Variants in DAAM2 observed in about 807,000 individuals in gnomAD.
The protein encoded by DAAM2 is dishevelled associated activator of morphogenesis 2.
Under a neutral mutation model 120.7 loss-of-function variants are expected in DAAM2, and 39 were observed. The observed-to-expected ratio is 0.32, with a 90% confidence interval of 0.25 to 0.42. DAAM2 has a LOEUF of 0.42. Among genes scored for constraint, DAAM2 ranks in the 10% least tolerant of loss-of-function variants. The pLI, the probability that DAAM2 is intolerant of heterozygous loss-of-function variation, is 1.00. For synonymous variants in DAAM2, 488 were observed against 524.9 expected, an observed-to-expected ratio of 0.93 and a Z score of 0.96; for missense variants, 1,283 against 1,401.7, an observed-to-expected ratio of 0.92 and a Z score of 1.35.
chr6:39,891,781 G>T, intron 19 of DAAM2, 59 bp downstream of exon 19: 1 of 1,419,070 alleles, frequency 7.0e-7, no homozygotes, highest in South Asian at 1.2e-5. Flanking sequence ...AGGCAGGGTG[G>T]GTGGGAGCCA....
In DAAM2 at chr6:39,901,262, C is replaced by G. The variant is rs752314144; in HGVS notation, c.2812-40C>G. The G allele has an allele frequency of 6.3e-7, 1 of 1,578,928 alleles. No individual in the cohort carries two copies. The highest frequency in any genetic ancestry group is 8.7e-7 in the Non-Finnish European group (1 of 1,154,918). On this transcript the variant is annotated intron_variant, in intron 23 of 24. Coordinates refer to ENST00000274867, the MANE Select transcript of DAAM2 (RefSeq NM_001201427.2). This position sits in a 1 kb window ranked among gnomAD's most constrained non-coding sequence, Gnocchi z 4.5. ...CCTCAGGGGCTGAGCCCAGCATGCT[C>G]CAGGGCACTCTCCACCAATCCTGTT...
At chr6:39,818,457 C>T (rs557893248) in intron 1 of DAAM2, among the ~76,000 whole-genome samples, 1 of 152,248 alleles carries the variant, frequency 6.6e-6, no homozygotes, top group South Asian at 2.1e-4. Flanking sequence ...AAGTATTAAT[C>T]TGTGGTATTT....
chr6:39,901,832 G>T lies in DAAM2; in HGVS notation c.3002G>T (p.Arg1001Leu). 6.4e-7 allele frequency: 1 copy of T among 1,557,394 alleles called. No individual in the cohort carries two copies. The highest frequency in any genetic ancestry group is 2.3e-5 in the East Asian group (1 of 44,022). ...CCGCAGCTGAAGGAGCAGAGGGAAC[G>T]TGAGCGGTGGCAGCGGCAGCGGAAG... is the stretch of plus-strand genomic sequence containing the variant. The part of the protein sequence containing the change: ...MEAMLKEQRE[R>L]ERWQRQRKVL... Residue 1001 changes from arginine to leucine, a missense_variant, in exon 25 of 25, where the codon CGT (arginine) becomes CTT (leucine). Transcript: ENST00000274867. The surrounding 1 kb of genome is among the most constrained non-coding windows in gnomAD (Gnocchi z 4.5).
In DAAM2 at chr6:39,901,279, A is replaced by C; in HGVS notation, c.2812-23A>C. Reference sequence around the variant, plus strand: ...AGCATGCTCCAGGGCACTCTCCACCAATCCTGTTCTGTCCCTTGACAGTTC... The same window carrying C: ...AGCATGCTCCAGGGCACTCTCCACCCATCCTGTTCTGTCCCTTGACAGTTC... On this transcript the variant is annotated intron_variant, in intron 23 of 24. Transcript: ENST00000274867. The surrounding 1 kb of genome is among the most constrained non-coding windows in gnomAD (Gnocchi z 4.5). The C allele has an allele frequency of 1.2e-6, 2 of 1,605,590 alleles. No individual in the cohort carries two copies. The highest frequency in any genetic ancestry group is 1.7e-6 in the Non-Finnish European group (2 of 1,174,804).
chr6:39,815,390 A>G (rs1417418783), intron 1 of DAAM2, among the ~76,000 whole-genome samples: 2 of 152,132 alleles, frequency 1.3e-5, no homozygotes, highest in Admixed American at 1.3e-4. Flanking sequence ...TCTAAGGCTC[A>G]CTCATTGTAT....
intron 1 of DAAM2, among the ~76,000 whole-genome samples, chr6:39,841,981 A>G (rs146739677): frequency 8.5e-4 from 130 of 152,374 alleles, no homozygotes; most frequent in Non-Finnish European, 1.7e-3. Context: ...CAAACAAATG[A>G]AAACATCCTG....
At chr6:39,877,902 A>G (rs537139009) in intron 11 of DAAM2, among the ~76,000 whole-genome samples, 22 of 152,344 alleles carry the variant, frequency 1.4e-4, no homozygotes, top group Non-Finnish European at 2.8e-4. Context: ...TAGTTCTACC[A>G]TTAATTAGCT....
rs531295826 is a variant in DAAM2 at position 39,869,753 on chromosome 6, C to CTT, written c.874-561_874-560dup. Among the ~76,000 whole-genome samples, 277 of 102,002 alleles carry CTT rather than the reference C, an allele frequency of 2.7e-3. 2 individuals carry two copies. The highest frequency in any genetic ancestry group is 4.9e-3 in the Middle Eastern group (1 of 206). The allele number at this position is 102,002 out of a possible 152,430, so 66.9% of individuals were successfully genotyped here. On this transcript the variant is annotated intron_variant, in intron 7 of 24. Coordinates refer to ENST00000274867, the MANE Select transcript of DAAM2 (RefSeq NM_001201427.2). ...CTTTCCCCTCTTTTCCGCCAGCATACTTTTTTTTTTTTTTTTTTTTTTTTT... is the reference window on the plus strand; with the variant it reads ...CTTTCCCCTCTTTTCCGCCAGCATACTTTTTTTTTTTTTTTTTTTTTTTTTTT...
At chr6:39,846,843 A>G (rs1201827663) in intron 1 of DAAM2, among the ~76,000 whole-genome samples, 1 of 152,170 alleles carries the variant, frequency 6.6e-6, no homozygotes, top group Non-Finnish European at 1.5e-5. Context: ...TAGGGGCCCA[A>G]CAAATATTTG....
Position 39,901,967 on chromosome 6 carries a change from G to C in DAAM2, c.3137G>C (p.Ser1046Thr). Residue 1046 changes from serine (S) to threonine (T), a missense_variant, in exon 25 of 25, where the codon AGC becomes ACC. This residue lies in a region of DAAM2 where 748 missense variants were observed against 768.6 expected (regional missense o/e 0.97). Coordinates refer to ENST00000274867, the MANE Select transcript of DAAM2 (RefSeq NM_001201427.2). This position sits in a 1 kb window ranked among gnomAD's most constrained non-coding sequence, Gnocchi z 4.5. ...FDKDLCKLKR[S>T]RKRSGSQALE... The stretch of plus-strand genomic sequence containing the variant: ...AAGGACTTATGCAAGCTCAAGCGCA[G>C]CCGCAAGCGATCAGGGAGCCAGGCC... 6.2e-7 allele frequency: 1 copy of C among 1,612,424 alleles called. No individual in the cohort carries two copies.
At position 39,878,641 on chromosome 6, in the gene DAAM2, G is replaced by C; in HGVS notation, c.1545+53G>C. The C allele has an allele frequency of 2.6e-6, 4 of 1,530,478 alleles. No homozygotes were observed. The highest frequency in any genetic ancestry group is 3.5e-6 in the Non-Finnish European group (4 of 1,133,406). 94.8% of individuals were successfully genotyped at this position (1,530,478 alleles called of 1,614,324 possible). On this transcript the variant is annotated intron_variant, in intron 13 of 24. Coordinates refer to ENST00000274867, the MANE Select transcript of DAAM2 (RefSeq NM_001201427.2). The surrounding 1 kb of genome is among the most constrained non-coding windows in gnomAD (Gnocchi z 5.0). ...GTTGAGCCAAGACCCTGGGCTTCAG[G>C]ACTGGGTGGGCAGAGCAGGTGTCGG...
intron 1 of DAAM2, among the ~76,000 whole-genome samples, chr6:39,803,515 G>A (rs887845662): frequency 2.0e-5 from 3 of 152,156 alleles, no homozygotes; most frequent in Non-Finnish European, 4.4e-5. Context: ...CCCATGAGAT[G>A]GGGAGTGGGA....
intron 1 of DAAM2, among the ~76,000 whole-genome samples, chr6:39,847,363 C>T (rs1349104915): frequency 6.6e-6 from 1 of 152,092 alleles, no homozygotes; most frequent in Non-Finnish European, 1.5e-5. Context: ...GCTGGAGGCT[C>T]CTTTCCCTGC....
At chr6:39,865,238 C>T (rs1321383330) in intron 5 of DAAM2, among the ~76,000 whole-genome samples, 164 bp downstream of exon 5, 1 of 152,194 alleles carries the variant, frequency 6.6e-6, no homozygotes, top group Non-Finnish European at 1.5e-5. Flanking sequence ...TGGGAGGCTG[C>T]CAGGGCTTGG....
At chr6:39,865,147 G>T in intron 5 of DAAM2, 73 bp downstream of exon 5, 1 of 891,072 alleles carries the variant, frequency 1.1e-6, no homozygotes, top group Non-Finnish European at 1.8e-6. Flanking sequence ...CCGAAGCCCT[G>T]TGCAGTGCTC....
chr6:39,850,814 C>A (rs1300699605), intron 1 of DAAM2, among the ~76,000 whole-genome samples: 2 of 152,092 alleles, frequency 1.3e-5, no homozygotes. Context: ...GTCCTGTTAC[C>A]CCTGTGTCTG....
intron 5 of DAAM2, among the ~76,000 whole-genome samples, chr6:39,865,334 T>A (rs1034592509): frequency 1.4e-4 from 22 of 152,258 alleles, no homozygotes; most frequent in African/African-American, 4.8e-4. Flanking sequence ...AAGTGCTTTT[T>A]AAAAATTTAT....
intron 1 of DAAM2, among the ~76,000 whole-genome samples, chr6:39,846,699 CTT>C (rs11359144): frequency 0.011 from 1,553 of 140,556 alleles, 13 homozygotes; most frequent in East Asian, 0.046. Flanking sequence ...CACATCCACG[CTT>C]TTTTTTTTTT....
At chr6:39,853,142 G>A (rs144721875) in intron 1 of DAAM2, among the ~76,000 whole-genome samples, 227 of 152,274 alleles carry the variant, frequency 1.5e-3, no homozygotes, top group African/African-American at 5.2e-3. Flanking sequence ...CTGTTCCTAG[G>A]CCTGTGACCT....
Sources: allele counts gnomAD v4.1 joint callset (sites outside exome capture counted in the v4.1 genomes callset), GRCh38; gene constraint gnomAD v4.1.1; regional missense constraint gnomAD v4.1.1; non-coding constraint Gnocchi (gnomAD v3.1); transcripts MANE v1.5; gene names NCBI Gene and HGNC (gene_info 2026-07-23, HGNC 2026-07-21).